Variants in MCF2L observed in about 807,000 individuals in gnomAD.
MCF2L encodes the protein MCF.2 cell line derived transforming sequence like, also known as guanine nucleotide exchange factor DBS.
In MCF2L, 97 loss-of-function variants were observed where a neutral mutation model predicts 153.4. That is an observed-to-expected ratio of 0.63 (90% CI 0.54 to 0.75). The LOEUF is 0.75. MCF2L is among the 30% of genes least tolerant of loss of function. MCF2L has a pLI of 0.00. For missense variants in MCF2L, 1,347 were observed against 1,495.2 expected, an observed-to-expected ratio of 0.90 and a Z score of 1.64; for synonymous variants, 659 against 632.2, an observed-to-expected ratio of 1.04 and a Z score of -0.64.
chr13:113,090,685 TGGCGTGCA>T (rs2035122989), intron 26 of MCF2L: 1 of 985,352 alleles, frequency 1.0e-6, no homozygotes, highest in Admixed American at 6.1e-5. Flanking sequence ...AAGCCGGCCC[TGGCGTGCA>T]GGCGGCTCTT....
rs561593447 is a variant in MCF2L, at chr13:113,037,767, G to A, written c.279-7504G>A. ...ATGGTGAGGTATTGAACGCTTTGCCGCTGAGGTCAGGAACACTGTTCTCAT... is the reference window on the plus strand; with the variant it reads ...ATGGTGAGGTATTGAACGCTTTGCCACTGAGGTCAGGAACACTGTTCTCAT... On this transcript the variant is annotated intron_variant, in intron 3 of 29. Coordinates refer to ENST00000535094, the MANE Select transcript of MCF2L (RefSeq NM_001112732.3). Among the ~76,000 whole-genome samples, 25 of 152,324 alleles carry A rather than the reference G, an allele frequency of 1.6e-4. No homozygotes were observed. The South Asian group carries it at 3.1e-3, about 19-fold the overall frequency.
In MCF2L at chr13:112,932,708, A is replaced by G. The variant is rs973567189; in HGVS notation, c.169+30337A>G. On this transcript the variant is annotated intron_variant, in intron 2 of 29. Coordinates refer to the MCF2L transcript ENST00000375608. The surrounding 1 kb of genome is among the most constrained non-coding windows in gnomAD (Gnocchi z 4.6). ...CGTCAGTGGGCCTGTGTGGCCCCTCATAGGTATCTGTATTTTAGCAAAAGA... is the reference window on the plus strand; with the variant it reads ...CGTCAGTGGGCCTGTGTGGCCCCTCGTAGGTATCTGTATTTTAGCAAAAGA... Among the ~76,000 whole-genome samples, 1 of 152,154 alleles carries G rather than the reference A, an allele frequency of 6.6e-6. No individual in the cohort carries two copies. The highest frequency in any genetic ancestry group is 1.5e-5 in the Non-Finnish European group (1 of 68,038).
At chr13:112,929,143 C>T (rs537516074) in intron 2 of MCF2L, among the ~76,000 whole-genome samples, 2 of 152,358 alleles carry the variant, frequency 1.3e-5, no homozygotes, top group African/African-American at 4.8e-5. Flanking sequence ...CCTGCCTGCA[C>T]AGGGAGCTCC....
chr13:113,049,880 A>G (rs2141590661), intron 4 of MCF2L, among the ~76,000 whole-genome samples: 1 of 152,366 alleles, frequency 6.6e-6, no homozygotes, highest in South Asian at 2.1e-4. Context: ...GGATGCCTTC[A>G]GCATGGCTTG....
intron 2 of MCF2L, chr13:112,909,306 A>C (rs780086578): frequency 2.6e-6 from 2 of 779,572 alleles, no homozygotes; most frequent in Non-Finnish European, 4.8e-6. Flanking sequence ...CTCGGGAGGC[A>C]CTCGGCAGTG....
rs2082506376 is a variant in MCF2L at position 112,983,281 on chromosome 13, C to G, written c.79+13823C>G. On this transcript the variant is annotated intron_variant, in intron 1 of 29. Coordinates refer to ENST00000535094, the MANE Select transcript of MCF2L (RefSeq NM_001112732.3). The surrounding 1 kb of genome is among the most constrained non-coding windows in gnomAD (Gnocchi z 4.0). The stretch of plus-strand genomic sequence containing the variant: ...ACCATGGGATTTTTCACCAGAAACT[C>G]CTAGAAGTTAGTTCTGTGTCGTGAG... Among the ~76,000 whole-genome samples, 3 of 152,106 alleles carry G rather than the reference C, an allele frequency of 2.0e-5. No homozygotes were observed. Among genetic ancestry groups the G allele is most frequent in the African/African-American group, 7.2e-5 (3 of 41,418 alleles).
chr13:113,022,488 G>A (rs918503807), intron 2 of MCF2L, among the ~76,000 whole-genome samples: 4 of 151,988 alleles, frequency 2.6e-5, no homozygotes, highest in Admixed American at 6.6e-5. Flanking sequence ...TGCCGTCGGC[G>A]TCACTCCACA....
intron 2 of MCF2L, among the ~76,000 whole-genome samples, chr13:112,921,045 C>T (rs909268092): frequency 7.3e-5 from 11 of 151,348 alleles, no homozygotes; most frequent in African/African-American, 1.2e-4. Flanking sequence ...GGTGTGGTGG[C>T]GGGCGCCTGT....
In MCF2L at chr13:113,084,034, C is replaced by G; in HGVS notation, c.2028C>G (p.Cys676Trp). 1 of 1,614,004 alleles carries G rather than the reference C, an allele frequency of 6.2e-7. No homozygotes were observed. The highest frequency in any genetic ancestry group is 8.5e-7 in the Non-Finnish European group (1 of 1,179,882). ...FLRELENYTD[C>W]PELVGRCFLE... ...GGGAGCTGGAAAACTACACTGACTGCCCAGAACTGGTTGGAAGATGCTTTC... is the reference window on the plus strand; with the variant it reads ...GGGAGCTGGAAAACTACACTGACTGGCCAGAACTGGTTGGAAGATGCTTTC... Residue 676 changes from cysteine (C) to tryptophan (W), a missense_variant, in exon 18 of 30, where the codon TGC (cysteine) becomes TGG (tryptophan). Physicochemically the swap from Cys to Trp is radical, Grantham distance 215. This residue lies in a region of MCF2L where 820 missense variants were observed against 921.2 expected (regional missense o/e 0.89). Transcript: ENST00000535094.
intron 1 of MCF2L, among the ~76,000 whole-genome samples, chr13:113,011,352 T>C (rs928808774): frequency 2.0e-5 from 3 of 152,268 alleles, no homozygotes; most frequent in African/African-American, 7.2e-5. Context: ...GAGTTTGTCC[T>C]GGCCCAGAGA....
rs1594883576 is a variant in MCF2L at position 113,060,572 on chromosome 13, G to A, written c.370-21G>A. 1.2e-5 allele frequency: 19 copies of A among 1,611,110 alleles called. No homozygotes were observed. The East Asian group carries it at 4.2e-4, about 36-fold the overall frequency. On this transcript the variant is annotated intron_variant, in intron 4 of 29. Transcript: ENST00000535094. The stretch of plus-strand genomic sequence containing the variant: ...TCTGCAGAGCACGCTGCAGGCCCTT[G>A]TCTCTCGCCCTCTCTCACAGGCATC...
At chr13:112,913,644 G>A (rs1004746386) in intron 2 of MCF2L, among the ~76,000 whole-genome samples, 1 of 152,258 alleles carries the variant, frequency 6.6e-6, no homozygotes, top group East Asian at 1.9e-4. Context: ...TTCTCTGCAC[G>A]TCCATCTGTG....
intron 1 of MCF2L, chr13:113,009,425 TGTAA>T (rs1472279735): frequency 2.6e-5 from 4 of 152,376 alleles, no homozygotes; most frequent in African/African-American, 9.6e-5. Context: ...TGAGATTTAA[TGTAA>T]GTGAGAATTC....
intron 2 of MCF2L, among the ~76,000 whole-genome samples, chr13:112,953,822 G>A (rs1385594963): frequency 6.6e-6 from 1 of 152,204 alleles, no homozygotes; most frequent in Non-Finnish European, 1.5e-5. Context: ...CAGCCACCTG[G>A]TAGGGGCTGG....
chr13:112,946,486 A>C (rs1466570820), intron 2 of MCF2L, among the ~76,000 whole-genome samples: 2 of 152,210 alleles, frequency 1.3e-5, no homozygotes, highest in Non-Finnish European at 2.9e-5. Context: ...AACTACAAAG[A>C]CAAGTCAGGG....
intron 1 of MCF2L, among the ~76,000 whole-genome samples, chr13:113,011,225 G>T (rs1007766694): frequency 6.6e-6 from 1 of 152,176 alleles, no homozygotes; most frequent in Non-Finnish European, 1.5e-5. Flanking sequence ...CAGATGTAGC[G>T]ATATTTTAGA....
chr13:113,021,888 C>A (rs1411628426), intron 2 of MCF2L, among the ~76,000 whole-genome samples: 1 of 152,200 alleles, frequency 6.6e-6, no homozygotes, highest in Non-Finnish European at 1.5e-5. Flanking sequence ...TTCAGAGATA[C>A]CCAGGGTAGC....
chr13:113,050,759 GGC>G (rs1302247164), intron 4 of MCF2L, among the ~76,000 whole-genome samples: 5 of 100,480 alleles, frequency 5.0e-5, no homozygotes, highest in African/African-American at 2.1e-4. Context: ...GGGTGCGGGG[GGC>G]GGTGGCGGGG....
At chr13:112,917,741 A>AT (rs2081309550) in intron 2 of MCF2L, among the ~76,000 whole-genome samples, 1 of 151,942 alleles carries the variant, frequency 6.6e-6, no homozygotes, top group Non-Finnish European at 1.5e-5. Context: ...CTTCCACTGG[A>AT]TGGGTAGTTT....
Sources: allele counts gnomAD v4.1 joint callset (sites outside exome capture counted in the v4.1 genomes callset), GRCh38; gene constraint gnomAD v4.1.1; regional missense constraint gnomAD v4.1.1; non-coding constraint Gnocchi (gnomAD v3.1); transcripts MANE v1.5; gene names NCBI Gene and HGNC (gene_info 2026-07-23, HGNC 2026-07-21).